XYLT1: variants seen among roughly 807,000 people sequenced by gnomAD.
XYLT1 encodes xylosyltransferase 1.
A neutral mutation model predicts 91.3 loss-of-function variants in XYLT1; 36 were observed. The ratio of observed to expected loss-of-function variants is 0.39; its 90% CI spans 0.30 to 0.52. The LOEUF is 0.52. XYLT1 is among the 20% of genes least tolerant of loss of function. The pLI is 0.68. For synonymous variants in XYLT1, 588 were observed against 532.0 expected (o/e 1.11, Z -1.45); for missense variants, 1,242 against 1,284.5 (o/e 0.97, Z 0.51).
chr16:17,254,121 C>A (rs1266939850), intron 3 of XYLT1, among the ~76,000 whole-genome samples: 2 of 152,198 alleles, frequency 1.3e-5, no homozygotes, highest in African/African-American at 4.8e-5. Context: ...TGTGACAAGG[C>A]AGTGTTGCAC....
chr16:17,400,432 A>G (rs557173649), intron 1 of XYLT1, among the ~76,000 whole-genome samples: 1 of 152,146 alleles, frequency 6.6e-6, no homozygotes, highest in Non-Finnish European at 1.5e-5. Flanking sequence ...TCTACTAAAA[A>G]TACAAAAATT....
At chr16:17,196,676 G>A (rs971515679) in intron 5 of XYLT1, among the ~76,000 whole-genome samples, 30 of 152,084 alleles carry the variant, frequency 2.0e-4, no homozygotes, top group Non-Finnish European at 4.3e-4. Flanking sequence ...GCCATCAGAG[G>A]GAGGAAGATC....
intron 5 of XYLT1, among the ~76,000 whole-genome samples, chr16:17,195,733 T>C (rs1302370566): frequency 6.6e-6 from 1 of 152,182 alleles, no homozygotes; most frequent in Non-Finnish European, 1.5e-5. Flanking sequence ...TGTGAGCCAC[T>C]GCACCCGGCC....
chr16:17,391,653 G>T, intron 1 of XYLT1, among the ~76,000 whole-genome samples: 1 of 152,018 alleles, frequency 6.6e-6, no homozygotes, highest in Non-Finnish European at 1.5e-5. Context: ...TTACTCCCAG[G>T]GTCCTTTCTT....
intron 5 of XYLT1, among the ~76,000 whole-genome samples, chr16:17,166,412 T>C (rs924193366): frequency 2.0e-5 from 3 of 152,244 alleles, no homozygotes; most frequent in Non-Finnish European, 2.9e-5. Context: ...CACTGCTTAA[T>C]GCAAGCCCAA....
intron 2 of XYLT1, among the ~76,000 whole-genome samples, chr16:17,298,305 C>A (rs1463378505): frequency 1.3e-5 from 2 of 152,112 alleles, no homozygotes; most frequent in African/African-American, 4.8e-5. Context: ...AAAACCTTGG[C>A]CCATAACTAA....
chr16:17,340,298 A>G (rs976858607), intron 2 of XYLT1, among the ~76,000 whole-genome samples: 9 of 152,226 alleles, frequency 5.9e-5, no homozygotes, highest in African/African-American at 2.2e-4. Flanking sequence ...AAGAGGTGAT[A>G]CTATTTCCTT....
At chr16:17,426,433 C>CGA (rs1389863830) in intron 1 of XYLT1, among the ~76,000 whole-genome samples, 1 of 152,062 alleles carries the variant, frequency 6.6e-6, no homozygotes, top group African/African-American at 2.4e-5. Context: ...GGTGGTCCAG[C>CGA]TACTCAGGAG....
chr16:17,105,270 A>C lies in XYLT1; in HGVS notation c.*3425T>G, dbSNP rs1966759136. On this transcript the variant is annotated 3_prime_UTR_variant, in exon 12 of 12. Transcript: ENST00000261381. ...GGGAAACATGGTCTTCAGACACCCTACTTGTGCCCAGAGTAGAAGCAATTG... is the reference window on the plus strand; with the variant it reads ...GGGAAACATGGTCTTCAGACACCCTCCTTGTGCCCAGAGTAGAAGCAATTG... 1 of 152,234 alleles carries C rather than the reference A, an allele frequency of 6.6e-6. No homozygotes were observed. Among genetic ancestry groups the C allele is most frequent in the Admixed American group, 6.5e-5 (1 of 15,286 alleles). 9.4% of individuals were successfully genotyped at this position (152,234 alleles called of 1,614,324 possible).
chr16:17,392,816 C>T (rs901884848), intron 1 of XYLT1, among the ~76,000 whole-genome samples: 1 of 152,162 alleles, frequency 6.6e-6, no homozygotes, highest in Non-Finnish European at 1.5e-5. Context: ...CCCCACTGCC[C>T]ACCCTAAGAC....
intron 10 of XYLT1, 31 bp from the exon 11 acceptor site, chr16:17,118,010 T>G: frequency 6.3e-7 from 1 of 1,588,938 alleles, no homozygotes; most frequent in Non-Finnish European, 8.6e-7. Context: ...CTGAAGTCAC[T>G]GGGCCTGAAC....
intron 11 of XYLT1, among the ~76,000 whole-genome samples, chr16:17,113,286 C>T (rs892533894): frequency 1.3e-5 from 2 of 151,940 alleles, no homozygotes; most frequent in Admixed American, 6.6e-5. Flanking sequence ...GGATTTCAGG[C>T]ACCCGTCACC....
At chr16:17,388,230 A>G (rs771921757) in intron 1 of XYLT1, among the ~76,000 whole-genome samples, 11 of 152,168 alleles carry the variant, frequency 7.2e-5, no homozygotes, top group Non-Finnish European at 1.3e-4. Flanking sequence ...CACAAAACAC[A>G]CTATCCAAAT....
At chr16:17,314,359 TAGTC>T (rs2034593642) in intron 2 of XYLT1, among the ~76,000 whole-genome samples, 1 of 152,086 alleles carries the variant, frequency 6.6e-6, no homozygotes, top group East Asian at 1.9e-4. Context: ...GAAAAGTGCT[TAGTC>T]AGCCCACCCC....
chr16:17,351,137 A>G (rs1013019602), intron 2 of XYLT1, among the ~76,000 whole-genome samples: 4 of 152,170 alleles, frequency 2.6e-5, no homozygotes, highest in Non-Finnish European at 5.9e-5. Context: ...CAGTTTTTAA[A>G]CACATGATGT....
At chr16:17,358,310 T>A (rs993379033) in intron 1 of XYLT1, among the ~76,000 whole-genome samples, 6 of 151,942 alleles carry the variant, frequency 3.9e-5, no homozygotes, top group East Asian at 3.9e-4. Flanking sequence ...TTTTAAAAAA[T>A]TATTTTTGTA....
chr16:17,247,996 G>A (rs558820686), intron 3 of XYLT1, among the ~76,000 whole-genome samples: 1 of 152,268 alleles, frequency 6.6e-6, no homozygotes, highest in East Asian at 1.9e-4. Context: ...CCCAGTCCCA[G>A]CCTGCCAGAC....
At chr16:17,434,997 C>T (rs1418587474) in intron 1 of XYLT1, among the ~76,000 whole-genome samples, 1 of 152,192 alleles carries the variant, frequency 6.6e-6, no homozygotes, top group Non-Finnish European at 1.5e-5. Flanking sequence ...GACGCTTGGC[C>T]CATGCACTCA....
chr16:17,339,865 CCCTT>C (rs561881277), intron 2 of XYLT1, among the ~76,000 whole-genome samples: 191 of 152,036 alleles, frequency 1.3e-3, no homozygotes, highest in African/African-American at 4.5e-3. Context: ...CGTCTTTTCT[CCCTT>C]CCATCTGTGT....
Sources: allele counts gnomAD v4.1 joint callset (sites outside exome capture counted in the v4.1 genomes callset), GRCh38; gene constraint gnomAD v4.1.1; transcripts MANE v1.5; gene names NCBI Gene and HGNC (gene_info 2026-07-23, HGNC 2026-07-21).